The following ZNF804B variants were observed in gnomAD, a reference collection of about 807,000 sequenced individuals.
ZNF804B encodes the protein zinc finger 804B.
Under a neutral mutation model 101.4 loss-of-function variants are expected in ZNF804B, and 80 were observed. That is an observed-to-expected ratio of 0.79 (90% CI 0.66 to 0.95). The LOEUF (loss-of-function observed/expected upper bound fraction) is 0.95, where lower values mean the gene tolerates loss of function less well. ZNF804B is among the 40% of genes least tolerant of loss of function. The pLI is 0.00. For missense variants in ZNF804B, 1,673 were observed against 1,561.9 expected, an observed-to-expected ratio of 1.07 and a Z score of -1.20; for synonymous variants, 622 against 558.8, an observed-to-expected ratio of 1.11 and a Z score of -1.59.
At chr7:89,182,300 C>T (rs13224448) in intron 1 of ZNF804B, among the ~76,000 whole-genome samples, 26,539 of 152,004 alleles carry the variant, frequency 0.17, 2,405 homozygotes, top group Middle Eastern at 0.28. Context: ...TGAATTTGAC[C>T]TTTTCAGCAA....
intron 1 of ZNF804B, among the ~76,000 whole-genome samples, chr7:89,152,870 G>A (rs1790900239): frequency 1.3e-5 from 2 of 152,052 alleles, no homozygotes; most frequent in Admixed American, 1.3e-4. Context: ...CTGAAGGCTA[G>A]GGTCTGCTTG....
At chr7:89,302,479 C>A (rs1790490831) in intron 2 of ZNF804B, among the ~76,000 whole-genome samples, 1 of 151,440 alleles carries the variant, frequency 6.6e-6, no homozygotes, top group African/African-American at 2.4e-5. Flanking sequence ...ATGTTCAGAT[C>A]TAATGCATTA....
chr7:88,859,947 A>T (rs1413725800), intron 1 of ZNF804B, among the ~76,000 whole-genome samples: 1 of 151,812 alleles, frequency 6.6e-6, no homozygotes, highest in Admixed American at 6.6e-5. Flanking sequence ...GAGCTGTGTA[A>T]ATTTCTCTAT....
chr7:89,082,580 C>A (rs1388501112), intron 1 of ZNF804B, among the ~76,000 whole-genome samples: 1 of 151,592 alleles, frequency 6.6e-6, no homozygotes, highest in African/African-American at 2.4e-5. Context: ...AATAATAAAA[C>A]TAGTAACTCT....
chr7:88,924,680 T>G (rs568375762), intron 1 of ZNF804B, among the ~76,000 whole-genome samples: 15 of 152,304 alleles, frequency 9.8e-5, no homozygotes, highest in African/African-American at 3.6e-4. Flanking sequence ...CATTCAAGAC[T>G]AAAATAACAC....
At chr7:88,825,119 C>A (rs1172375855) in intron 1 of ZNF804B, among the ~76,000 whole-genome samples, 1 of 152,036 alleles carries the variant, frequency 6.6e-6, no homozygotes, top group Non-Finnish European at 1.5e-5. Context: ...TGGATGGAAG[C>A]GTGGATTGGG....
At chr7:88,796,003 G>A (rs929040916) in intron 1 of ZNF804B, among the ~76,000 whole-genome samples, 1 of 151,922 alleles carries the variant, frequency 6.6e-6, no homozygotes, top group Non-Finnish European at 1.5e-5. Context: ...GAACTCCTCT[G>A]TTCTACTTAG....
chr7:88,763,560 T>TAA (rs56956699), intron 1 of ZNF804B, among the ~76,000 whole-genome samples: 8 of 143,776 alleles, frequency 5.6e-5, no homozygotes, highest in East Asian at 4.0e-4. Context: ...TTAAAGAAAG[T>TAA]AAAAAAAAAA....
At chr7:88,990,730 A>G (rs1793832783) in intron 1 of ZNF804B, among the ~76,000 whole-genome samples, 2 of 152,094 alleles carry the variant, frequency 1.3e-5, no homozygotes, top group Non-Finnish European at 2.9e-5. Context: ...CTTAATATCT[A>G]TATTTTGCCA....
intron 2 of ZNF804B, among the ~76,000 whole-genome samples, chr7:89,240,561 C>A (rs1235148641): frequency 6.6e-6 from 1 of 151,962 alleles, no homozygotes; most frequent in Non-Finnish European, 1.5e-5. Flanking sequence ...GAAATGAATT[C>A]CCTCCTTACT....
chr7:89,054,354 C>T (rs1365920034), intron 1 of ZNF804B, among the ~76,000 whole-genome samples: 1 of 149,060 alleles, frequency 6.7e-6, no homozygotes, highest in East Asian at 1.9e-4. Context: ...TATATTCTTA[C>T]TATATATGAA....
intron 1 of ZNF804B, among the ~76,000 whole-genome samples, chr7:89,122,202 A>G (rs1166711506): frequency 6.6e-6 from 1 of 152,184 alleles, no homozygotes; most frequent in East Asian, 1.9e-4. Context: ...AAATTTGTCA[A>G]TATTTAAAGA....
chr7:88,933,812 A>G (rs949671356), intron 1 of ZNF804B, among the ~76,000 whole-genome samples: 1 of 152,032 alleles, frequency 6.6e-6, no homozygotes, highest in Non-Finnish European at 1.5e-5. Flanking sequence ...GAGTAGAATC[A>G]ATATTGTGAA....
intron 1 of ZNF804B, among the ~76,000 whole-genome samples, chr7:88,950,891 C>A (rs367866034): frequency 6.7e-6 from 1 of 149,776 alleles, no homozygotes; most frequent in African/African-American, 2.5e-5. Context: ...TTCCATTGAA[C>A]CTTAAAAGCC....
chr7:88,911,009 AG>A (rs1792541883), intron 1 of ZNF804B, among the ~76,000 whole-genome samples: 1 of 152,002 alleles, frequency 6.6e-6, no homozygotes, highest in Non-Finnish European at 1.5e-5. Flanking sequence ...AGGAAATAAG[AG>A]GGTGGTCAAA....
chr7:89,213,977 C>G (rs1788845118), intron 1 of ZNF804B, among the ~76,000 whole-genome samples: 1 of 152,112 alleles, frequency 6.6e-6, no homozygotes, highest in African/African-American at 2.4e-5. Context: ...ATTCATATTT[C>G]TAAGTGCATT....
At chr7:88,777,950 A>G (rs1461744284) in intron 1 of ZNF804B, among the ~76,000 whole-genome samples, 2 of 152,136 alleles carry the variant, frequency 1.3e-5, no homozygotes, top group African/African-American at 4.8e-5. Flanking sequence ...TTATACAGAA[A>G]TCTAAAGAAT....
At position 89,094,916 on chromosome 7, in the gene ZNF804B, G is replaced by A. The variant is rs561170706; in HGVS notation, c.109-123239G>A. Among the ~76,000 whole-genome samples, 46 of 152,206 alleles carry A rather than the reference G, an allele frequency of 3.0e-4. No homozygotes were observed. In the South Asian group the frequency reaches 9.1e-3, roughly 30 times the overall value. On this transcript the variant is annotated intron_variant, in intron 1 of 3. Coordinates refer to ENST00000333190, the MANE Select transcript of ZNF804B (RefSeq NM_181646.5). Reference sequence around the variant, plus strand: ...TATTTGTTTTAAAGTTGAGTCCCTAGCAATATCTATCATGGTCTTCATTTA... The same window carrying A: ...TATTTGTTTTAAAGTTGAGTCCCTAACAATATCTATCATGGTCTTCATTTA...
At chr7:88,909,251 T>C (rs1203339870) in intron 1 of ZNF804B, among the ~76,000 whole-genome samples, 3 of 151,876 alleles carry the variant, frequency 2.0e-5, no homozygotes, top group East Asian at 3.8e-4. Flanking sequence ...GTTCATCTTA[T>C]GAAAAACTGT....
Sources: allele counts gnomAD v4.1 joint callset (sites outside exome capture counted in the v4.1 genomes callset), GRCh38; gene constraint gnomAD v4.1.1; transcripts MANE v1.5; gene names NCBI Gene and HGNC (gene_info 2026-07-23, HGNC 2026-07-21).